ANTXR1: variants seen among roughly 807,000 people sequenced by gnomAD.
ANTXR1 encodes the protein ANTXR cell adhesion molecule 1, also known as anthrax toxin receptor 1.
A neutral mutation model predicts 78.1 loss-of-function variants in ANTXR1; 19 were observed. The observed-to-expected ratio is 0.24, with a 90% CI of 0.17 to 0.36. The LOEUF is 0.36. Ranked by LOEUF, ANTXR1 falls within the 10% of genes least tolerant of loss-of-function variation. The pLI is 1.00. For missense variants in ANTXR1, 518 were observed against 718.6 expected, an observed-to-expected ratio of 0.72 and a Z score of 3.19; for synonymous variants, 273 against 260.5, an observed-to-expected ratio of 1.05 and a Z score of -0.46.
intron 3 of ANTXR1, among the ~76,000 whole-genome samples, chr2:69,049,552 C>T (rs1464001278): frequency 1.3e-5 from 2 of 152,114 alleles, no homozygotes; most frequent in Non-Finnish European, 2.9e-5. Context: ...TCAAATAATC[C>T]ACCCACCTCG....
At chr2:69,221,239 G>C (rs1192890362) in intron 17 of ANTXR1, among the ~76,000 whole-genome samples, 5 of 152,136 alleles carry the variant, frequency 3.3e-5, no homozygotes, top group African/African-American at 1.2e-4. Flanking sequence ...ATCTCCCATT[G>C]AGATCTATTT....
intron 3 of ANTXR1, among the ~76,000 whole-genome samples, chr2:69,057,405 G>A (rs1277354645): frequency 6.6e-6 from 1 of 152,138 alleles, no homozygotes; most frequent in Non-Finnish European, 1.5e-5. Flanking sequence ...CTCATTATAT[G>A]TCTGTATGTC....
intron 1 of ANTXR1, among the ~76,000 whole-genome samples, chr2:69,029,014 C>G (rs1284330803): frequency 6.6e-6 from 1 of 150,550 alleles, no homozygotes; most frequent in Admixed American, 6.6e-5. Context: ...GTCAGGAGTT[C>G]GAGACCAGCC....
intron 12 of ANTXR1, chr2:69,145,646 C>G (rs1264314277): frequency 4.1e-6 from 5 of 1,219,516 alleles, no homozygotes; most frequent in Non-Finnish European, 5.1e-6. Context: ...AGGCAGAATC[C>G]TGGTGCAGAC....
chr2:69,201,562 G>C (rs1032382160), intron 17 of ANTXR1, among the ~76,000 whole-genome samples: 1 of 152,240 alleles, frequency 6.6e-6, no homozygotes, highest in Non-Finnish European at 1.5e-5. Flanking sequence ...CGCACTGGCT[G>C]CAGTGTGGAC....
chr2:69,177,796 G>A (rs1674167955), intron 14 of ANTXR1, among the ~76,000 whole-genome samples: 1 of 152,024 alleles, frequency 6.6e-6, no homozygotes, highest in South Asian at 2.1e-4. Context: ...AATATTAAAG[G>A]GACTCTTATT....
chr2:69,182,797 G>T, intron 16 of ANTXR1, 137 bp downstream of exon 16: 1 of 1,130,434 alleles, frequency 8.8e-7, no homozygotes, highest in South Asian at 1.3e-5. Context: ...CTAAAATTAT[G>T]GACTTGAAAG....
chr2:69,165,532 G>A (rs947152253), intron 13 of ANTXR1, among the ~76,000 whole-genome samples: 1 of 152,250 alleles, frequency 6.6e-6, no homozygotes, highest in Non-Finnish European at 1.5e-5. Flanking sequence ...CAAGAAAGAT[G>A]AGGAGGGGAG....
chr2:69,088,816 T>C (rs1001300357), intron 8 of ANTXR1, among the ~76,000 whole-genome samples: 3 of 152,318 alleles, frequency 2.0e-5, no homozygotes, highest in East Asian at 3.9e-4. Context: ...GGATATATCC[T>C]TGGGGTCCTT....
chr2:69,122,896 T>C, intron 10 of ANTXR1, 121 bp from the exon 11 acceptor site: 3 of 1,036,436 alleles, frequency 2.9e-6, no homozygotes, highest in Non-Finnish European at 4.5e-6. Flanking sequence ...GTTTTTAAGC[T>C]CAAAAAGATT....
At chr2:69,205,211 C>A (rs1471843519) in intron 17 of ANTXR1, among the ~76,000 whole-genome samples, 1 of 152,032 alleles carries the variant, frequency 6.6e-6, no homozygotes, top group African/African-American at 2.4e-5. Context: ...AGAGAAGAGA[C>A]CATTTGGCTG....
intron 12 of ANTXR1, among the ~76,000 whole-genome samples, chr2:69,127,483 TG>T (rs531131267): frequency 5.3e-5 from 8 of 152,008 alleles, no homozygotes; most frequent in Non-Finnish European, 5.9e-5. Flanking sequence ...GTGAGGTGCC[TG>T]GGGATAGGAT....
chr2:69,119,363 G>T (rs571756193), intron 10 of ANTXR1, among the ~76,000 whole-genome samples: 16 of 152,302 alleles, frequency 1.1e-4, no homozygotes, highest in African/African-American at 3.8e-4. Flanking sequence ...TGGCTGCCCC[G>T]TGGCTCTGTG....
At chr2:69,204,944 G>A (rs1674860830) in intron 17 of ANTXR1, among the ~76,000 whole-genome samples, 2 of 152,146 alleles carry the variant, frequency 1.3e-5, no homozygotes, top group East Asian at 3.9e-4. Flanking sequence ...CCAACACTGT[G>A]TCTAGGACAG....
chr2:69,023,914 C>A (rs529603438), intron 1 of ANTXR1, among the ~76,000 whole-genome samples: 1 of 152,230 alleles, frequency 6.6e-6, no homozygotes, highest in East Asian at 1.9e-4. Flanking sequence ...AACACATACT[C>A]TTTGTAATAT....
intron 13 of ANTXR1, among the ~76,000 whole-genome samples, chr2:69,161,122 C>A (rs1294791515): frequency 6.6e-6 from 1 of 152,218 alleles, no homozygotes; most frequent in Admixed American, 6.5e-5. Context: ...GAGGCTGCTC[C>A]TTCAAGCCTC....
intron 10 of ANTXR1, among the ~76,000 whole-genome samples, chr2:69,117,105 A>C (rs1672168834): frequency 6.6e-6 from 1 of 152,218 alleles, no homozygotes; most frequent in Non-Finnish European, 1.5e-5. Context: ...CTTTTCTTCA[A>C]GCTCTTCATC....
At chr2:69,152,895 C>T (rs1311691401) in intron 13 of ANTXR1, among the ~76,000 whole-genome samples, 1 of 152,158 alleles carries the variant, frequency 6.6e-6, no homozygotes, top group Non-Finnish European at 1.5e-5. Flanking sequence ...ACAATGTCTC[C>T]CCAGAATAGC....
chr2:69,159,027 A>C (rs1261470762), intron 13 of ANTXR1, among the ~76,000 whole-genome samples: 1 of 152,212 alleles, frequency 6.6e-6, no homozygotes, highest in Non-Finnish European at 1.5e-5. Flanking sequence ...CTAGGGGAAG[A>C]GTGTTCGATG....
Sources: allele counts gnomAD v4.1 joint callset (sites outside exome capture counted in the v4.1 genomes callset), GRCh38; gene constraint gnomAD v4.1.1; transcripts MANE v1.5; gene names NCBI Gene and HGNC (gene_info 2026-07-23, HGNC 2026-07-21).